Variants in METTL24 observed in about 807,000 individuals in gnomAD.
METTL24 encodes the protein probable methyltransferase-like protein 24.
A neutral mutation model predicts 32.7 loss-of-function variants in METTL24; 29 were observed. That is an observed-to-expected ratio of 0.89 (90% CI 0.66 to 1.21). The LOEUF is 1.21. METTL24 is among the 50% of genes most tolerant of loss of function. METTL24 has a pLI of 0.00. For synonymous variants in METTL24, 163 were observed against 179.5 expected (o/e 0.91, Z 0.73); for missense variants, 439 against 468.1 (o/e 0.94, Z 0.57).
rs565432982 is a variant in METTL24, at chr6:110,244,109, G to A, written c.*1837C>T. Among the ~76,000 whole-genome samples the A allele has an allele frequency of 1.7e-4, 26 of 152,240 alleles. No homozygotes were observed. Among genetic ancestry groups the A allele is most frequent in the African/African-American group, 6.3e-4 (26 of 41,552 alleles). ...TTGAAAAACTGTCTAACTATCCTAC[G>A]AAAGTGAGACGATGGTCTTCAGGCC... On this transcript the variant is annotated 3_prime_UTR_variant, in exon 5 of 5. Transcript: ENST00000338882.
intron 2 of METTL24, among the ~76,000 whole-genome samples, chr6:110,315,940 AC>A (rs2114748002): frequency 6.6e-6 from 1 of 152,348 alleles, no homozygotes; most frequent in African/African-American, 2.4e-5. Flanking sequence ...GATGTGAGGC[AC>A]AATGATAGGC....
chr6:110,336,981 C>T (rs76044646), intron 1 of METTL24, among the ~76,000 whole-genome samples: 3 of 152,056 alleles, frequency 2.0e-5, no homozygotes. Context: ...TGAATGTTCA[C>T]CACATCACTA....
chr6:110,325,791 G>A (rs1444529776), intron 1 of METTL24, among the ~76,000 whole-genome samples: 1 of 152,200 alleles, frequency 6.6e-6, no homozygotes, highest in East Asian at 1.9e-4. Flanking sequence ...TCTGCTAGCT[G>A]GCTTCCTGCC....
In METTL24 at chr6:110,246,086, G is replaced by A. The variant is rs753754298; in HGVS notation, c.961C>T (p.Leu321Phe). ...AAATCCTTTTGTTCTAACTCTTTGAGAAGGCTGTACCAGAACCGCACAACG... is the reference window on the plus strand; with the variant it reads ...AAATCCTTTTGTTCTAACTCTTTGAAAAGGCTGTACCAGAACCGCACAACG... Reference protein sequence around the residue: ...SSVVRFWYSLLKELEQKDFRL... With the variant: ...SSVVRFWYSLFKELEQKDFRL... Residue 321 changes from leucine (L) to phenylalanine (F), a missense_variant, in exon 5 of 5, where the codon CTC (leucine) becomes TTC (phenylalanine). Leu to Phe is a conservative substitution (Grantham distance 22, BLOSUM62 0). Transcript: ENST00000338882. 9 of 1,614,066 alleles carry A rather than the reference G, an allele frequency of 5.6e-6. No individual in the cohort carries two copies. The highest frequency in any genetic ancestry group is 7.6e-6 in the Non-Finnish European group (9 of 1,180,046).
rs148118948 is a variant in METTL24, at chr6:110,343,562, G to A, written c.318+14393C>T. On this transcript the variant is annotated intron_variant, in intron 1 of 4. Transcript: ENST00000338882. ...GCCCGGAAGGAAAGGGGAAAACAGA[G>A]GAAGCTAAATTGCCTGAGGAAGAAA... Among the ~76,000 whole-genome samples, 70 of 152,324 alleles carry A rather than the reference G, an allele frequency of 4.6e-4. No homozygotes were observed. In the East Asian group the frequency reaches 0.01, roughly 22 times the overall value.
At chr6:110,271,624 G>A (rs985541287) in intron 4 of METTL24, among the ~76,000 whole-genome samples, 2 of 152,094 alleles carry the variant, frequency 1.3e-5, no homozygotes, top group African/African-American at 2.4e-5. Context: ...CAACAAAAGC[G>A]AGTCCATAGT....
chr6:110,246,744 G>A (rs1778171305), intron 4 of METTL24, among the ~76,000 whole-genome samples: 1 of 152,140 alleles, frequency 6.6e-6, no homozygotes, highest in African/African-American at 2.4e-5. Flanking sequence ...ACTCTGCCAA[G>A]TCCTGACAGA....
At chr6:110,254,316 C>A (rs532951930) in intron 4 of METTL24, 1 of 161,888 alleles carries the variant, frequency 6.2e-6, no homozygotes, top group Non-Finnish European at 1.3e-5. Flanking sequence ...GCCACATCAT[C>A]TAGTTATTTA....
intron 4 of METTL24, among the ~76,000 whole-genome samples, chr6:110,278,812 A>G (rs1322857834): frequency 3.3e-5 from 5 of 152,196 alleles, no homozygotes; most frequent in Non-Finnish European, 7.3e-5. Flanking sequence ...ACTTGAGCCC[A>G]GGAGTTCATG....
chr6:110,265,174 AAAGAAAGAAAG>A, intron 4 of METTL24, among the ~76,000 whole-genome samples: 2 of 146,726 alleles, frequency 1.4e-5, no homozygotes, highest in African/African-American at 5.2e-5. Context: ...AGAAAGAAAG[AAAGAAAGAAAG>A]AAAGAAAGAA....
At chr6:110,272,548 GT>G (rs760746658) in intron 4 of METTL24, among the ~76,000 whole-genome samples, 8 of 152,198 alleles carry the variant, frequency 5.3e-5, no homozygotes, top group Non-Finnish European at 8.8e-5. Flanking sequence ...TCTCCATTCT[GT>G]TTTCCATAGT....
chr6:110,327,107 C>T (rs980199662), intron 1 of METTL24, among the ~76,000 whole-genome samples: 1 of 152,170 alleles, frequency 6.6e-6, no homozygotes, highest in Non-Finnish European at 1.5e-5. Context: ...GAGATCTCTA[C>T]AGGGTACACT....
intron 4 of METTL24, among the ~76,000 whole-genome samples, chr6:110,293,606 A>G (rs1273470592): frequency 3.3e-5 from 5 of 151,896 alleles, no homozygotes; most frequent in Non-Finnish European, 7.4e-5. Flanking sequence ...TTCTTATTGT[A>G]TTAGCTGTTA....
chr6:110,292,695 C>G (rs1320225284), intron 4 of METTL24, among the ~76,000 whole-genome samples: 1 of 151,916 alleles, frequency 6.6e-6, no homozygotes, highest in Non-Finnish European at 1.5e-5. Context: ...TCTTTTGTGA[C>G]TTCCTAACTC....
intron 1 of METTL24, among the ~76,000 whole-genome samples, chr6:110,356,476 G>A (rs930508358): frequency 6.6e-6 from 1 of 150,832 alleles, no homozygotes; most frequent in African/African-American, 2.4e-5. Flanking sequence ...GAAAAGAAAA[G>A]AAAAAGAAAA....
intron 4 of METTL24, among the ~76,000 whole-genome samples, chr6:110,286,246 G>C (rs1366955313): frequency 2.6e-5 from 4 of 152,164 alleles, no homozygotes; most frequent in Admixed American, 2.6e-4. Flanking sequence ...AAGAGGGTGC[G>C]GGATTTGCAA....
chr6:110,290,203 C>G (rs557986354), intron 4 of METTL24, among the ~76,000 whole-genome samples: 3 of 152,108 alleles, frequency 2.0e-5, no homozygotes, highest in African/African-American at 7.2e-5. Flanking sequence ...AGGTGTAAGC[C>G]ACCATGCCCA....
At chr6:110,291,382 T>C (rs1315659199) in intron 4 of METTL24, among the ~76,000 whole-genome samples, 2 of 152,184 alleles carry the variant, frequency 1.3e-5, no homozygotes, top group Non-Finnish European at 2.9e-5. Context: ...TGATGTGAGA[T>C]TCAAGTCAGG....
intron 2 of METTL24, among the ~76,000 whole-genome samples, chr6:110,322,079 C>T (rs746354932): frequency 2.6e-5 from 4 of 152,160 alleles, no homozygotes; most frequent in Non-Finnish European, 5.9e-5. Flanking sequence ...CTCTCTTTCC[C>T]CCTGGGATCA....
Sources: allele counts gnomAD v4.1 joint callset (sites outside exome capture counted in the v4.1 genomes callset), GRCh38; gene constraint gnomAD v4.1.1; transcripts MANE v1.5; gene names NCBI Gene and HGNC (gene_info 2026-07-23, HGNC 2026-07-21).